OXCT1: variants seen among roughly 807,000 people sequenced by gnomAD.
OXCT1 encodes succinyl-CoA:3-ketoacid coenzyme A transferase 1, mitochondrial.
In OXCT1, 27 loss-of-function variants were observed where a neutral mutation model predicts 69.6. The observed-to-expected ratio is 0.39, with a 90% CI of 0.29 to 0.54. The LOEUF (loss-of-function observed/expected upper bound fraction) is 0.54, where lower values mean the gene tolerates loss of function less well. Among genes scored for constraint, OXCT1 ranks in the 20% least tolerant of loss-of-function variants. OXCT1 has a pLI of 0.72. For synonymous variants in OXCT1, 202 were observed against 217.8 expected (o/e 0.93, Z 0.64); for missense variants, 437 against 650.2 (o/e 0.67, Z 3.57).
chr5:41,817,347 A>C (rs78467108), intron 7 of OXCT1, among the ~76,000 whole-genome samples: 2,163 of 152,262 alleles, frequency 0.014, 99 homozygotes, highest in South Asian at 0.079. Context: ...GAATCACCTA[A>C]AGTCATTTCA....
intron 2 of OXCT1, among the ~76,000 whole-genome samples, chr5:41,862,087 T>C (rs1749764607): frequency 6.6e-6 from 1 of 152,168 alleles, no homozygotes; most frequent in African/African-American, 2.4e-5. Context: ...GGTGGGTGCC[T>C]GTAATCCCAG....
chr5:41,846,759 G>A lies in OXCT1; in HGVS notation c.564+3271C>T, dbSNP rs577854048. Among the ~76,000 whole-genome samples, 280 of 152,326 alleles carry A rather than the reference G, an allele frequency of 1.8e-3. 2 individuals carry two copies. Among genetic ancestry groups the A allele is most frequent in the African/African-American group, 6.5e-3 (270 of 41,568 alleles). On this transcript the variant is annotated intron_variant, in intron 5 of 16. Transcript: ENST00000196371. ...TTATAGTCCCACCAACAGTGTAAAA[G>A]TATTCCTATTTCTCCACATCCTCTC...
At chr5:41,841,721 C>T (rs143464141) in intron 6 of OXCT1, among the ~76,000 whole-genome samples, 12 of 152,226 alleles carry the variant, frequency 7.9e-5, no homozygotes, top group Non-Finnish European at 1.2e-4. Context: ...AGCAACTAAA[C>T]GTGTAAATAT....
intron 15 of OXCT1, among the ~76,000 whole-genome samples, chr5:41,740,578 T>C (rs1743112530): frequency 6.6e-6 from 1 of 152,200 alleles, no homozygotes; most frequent in Non-Finnish European, 1.5e-5. Context: ...AACACATGCT[T>C]TCACACTTAG....
At chr5:41,819,086 T>C (rs930766429) in intron 7 of OXCT1, among the ~76,000 whole-genome samples, 5 of 152,198 alleles carry the variant, frequency 3.3e-5, no homozygotes, top group Non-Finnish European at 7.3e-5. Context: ...GGAAAACCAC[T>C]ATTATTCTTA....
In OXCT1 at chr5:41,853,432, T is replaced by G; in HGVS notation, c.401A>C (p.Glu134Ala). The change falls in exon 4 of 17, where the codon GAG becomes GCG. Residue 134 changes from glutamate (E) to alanine (A), a missense_variant. By Grantham distance (107) the Glu-to-Ala change is moderately radical. Transcript: ENST00000196371. ...AAATTTTCTCACCTGTGGTGTCAGC[T>G]CCACTTCTAATTCACCAGATAAGTA... Reference protein sequence around the residue: ...RQYLSGELEVELTPQGTLAER... With the variant: ...RQYLSGELEVALTPQGTLAER... The G allele has an allele frequency of 6.2e-7, 1 of 1,613,772 alleles. No individual in the cohort carries two copies. Among genetic ancestry groups the G allele is most frequent in the Non-Finnish European group, 8.5e-7 (1 of 1,179,734 alleles).
rs771963813 is a variant in OXCT1 at position 41,747,946 on chromosome 5, TG to T, written c.1419+1580del. 5.5e-4 allele frequency among the ~76,000 whole-genome samples: 83 copies of T among 152,238 alleles called. No individual in the cohort carries two copies. The Middle Eastern group carries it at 0.01, about 19-fold the overall frequency. ...CCTTTATCATGTCAATTACTCTGAC[TG>T]CTGGAAAGGCTGGATGTTTGGTGTC... On this transcript the variant is annotated intron_variant, in intron 15 of 16. Transcript: ENST00000196371.
chr5:41,731,922 T>A (rs1039789029), intron 16 of OXCT1, 152 bp from the exon 17 acceptor site: 3 of 999,932 alleles, frequency 3.0e-6, no homozygotes, highest in Non-Finnish European at 3.0e-6. Flanking sequence ...TCCTGAAACA[T>A]TGAGACAGAA....
At chr5:41,856,480 A>T (rs533682385) in intron 3 of OXCT1, among the ~76,000 whole-genome samples, 1 of 152,112 alleles carries the variant, frequency 6.6e-6, no homozygotes, top group Non-Finnish European at 1.5e-5. Context: ...TCCACTCTCC[A>T]CTCTCATACT....
At chr5:41,840,774 T>C (rs953711443) in intron 6 of OXCT1, among the ~76,000 whole-genome samples, 1 of 152,180 alleles carries the variant, frequency 6.6e-6, no homozygotes, top group Non-Finnish European at 1.5e-5. Flanking sequence ...ATTCAACATA[T>C]AGCTACAACA....
At chr5:41,840,948 T>C (rs1256839825) in intron 6 of OXCT1, among the ~76,000 whole-genome samples, 2 of 152,234 alleles carry the variant, frequency 1.3e-5, no homozygotes, top group East Asian at 1.9e-4. Flanking sequence ...GAAGGTACAG[T>C]AATTACATTC....
At chr5:41,742,125 G>A (rs547307831) in intron 15 of OXCT1, among the ~76,000 whole-genome samples, 3 of 151,996 alleles carry the variant, frequency 2.0e-5, no homozygotes, top group Non-Finnish European at 4.4e-5. Context: ...CAGTAATCAG[G>A]GAGAGTAAAT....
intron 14 of OXCT1, among the ~76,000 whole-genome samples, chr5:41,758,818 C>A (rs1029353521): frequency 3.9e-5 from 6 of 152,040 alleles, no homozygotes; most frequent in African/African-American, 1.4e-4. Context: ...ACTTTAAAGA[C>A]ATACCTCAGA....
At chr5:41,754,068 T>A (rs1231970216) in intron 14 of OXCT1, among the ~76,000 whole-genome samples, 1 of 151,916 alleles carries the variant, frequency 6.6e-6, no homozygotes, top group Non-Finnish European at 1.5e-5. Flanking sequence ...AGAGAAACAG[T>A]GAATTATAGT....
At chr5:41,809,704 A>G (rs1273145697) in intron 7 of OXCT1, among the ~76,000 whole-genome samples, 2 of 151,992 alleles carry the variant, frequency 1.3e-5, no homozygotes, top group African/African-American at 2.4e-5. Context: ...ACCCGCCACT[A>G]TTTTCTTTTG....
rs187430832 is a variant in OXCT1, at chr5:41,744,297, T to C, written c.1420-4806A>G. Among the ~76,000 whole-genome samples, 14 of 152,356 alleles carry C rather than the reference T, an allele frequency of 9.2e-5. 3 individuals are homozygous for C. The highest frequency in any genetic ancestry group is 3.4e-4 in the African/African-American group (14 of 41,590). ...TATTGGTGTATAAGAATGCTTGTGA[T>C]TTCTGCACATTCATTTTGTATCCTG... On this transcript the variant is annotated intron_variant, in intron 15 of 16. Transcript: ENST00000196371.
chr5:41,767,372 T>C (rs918874063), intron 13 of OXCT1, among the ~76,000 whole-genome samples: 1 of 152,096 alleles, frequency 6.6e-6, no homozygotes, highest in Non-Finnish European at 1.5e-5. Context: ...GTTAGCAAAA[T>C]TACTTACAAT....
At chr5:41,867,796 T>C (rs971451929) in intron 1 of OXCT1, among the ~76,000 whole-genome samples, 1 of 152,222 alleles carries the variant, frequency 6.6e-6, no homozygotes, top group Admixed American at 6.5e-5. Flanking sequence ...CAAGGATGAA[T>C]GGTGGGTAAA....
intron 7 of OXCT1, among the ~76,000 whole-genome samples, chr5:41,830,437 A>G (rs1655049486): frequency 2.6e-5 from 4 of 152,220 alleles, no homozygotes; most frequent in Admixed American, 2.6e-4. Flanking sequence ...TTTTTTGCTA[A>G]CCTCATTCTA....
Sources: gnomAD v4.1 joint callset for allele counts (sites outside exome capture counted in the v4.1 genomes callset) on GRCh38, gnomAD v4.1.1 for gene constraint, MANE v1.5 for transcripts, NCBI Gene and HGNC (gene_info 2026-07-23, HGNC 2026-07-21) for gene names.